MTARC2: variants seen among roughly 807,000 people sequenced by gnomAD.
MTARC2 encodes mitochondrial amidoxime reducing component 2.
A neutral mutation model predicts 35.6 loss-of-function variants in MTARC2; 27 were observed. That is an observed-to-expected ratio of 0.76 (90% CI 0.56 to 1.04). MTARC2 has a LOEUF of 1.04. Among genes scored for constraint, MTARC2 ranks in the 50% least tolerant of loss-of-function variants. MTARC2 has a pLI of 0.00. For missense variants in MTARC2, 412 were observed against 432.5 expected, an observed-to-expected ratio of 0.95 and a Z score of 0.42; for synonymous variants, 158 against 167.1, an observed-to-expected ratio of 0.95 and a Z score of 0.42.
At chr1:220,774,855 A>G in intron 4 of MTARC2, among the ~76,000 whole-genome samples, 1 of 152,308 alleles carries the variant, frequency 6.6e-6, no homozygotes, top group East Asian at 1.9e-4. Context: ...GAGATGGACT[A>G]TATAGGTAGA....
At chr1:220,767,530 C>T (rs1052339054) in intron 4 of MTARC2, among the ~76,000 whole-genome samples, 3 of 152,112 alleles carry the variant, frequency 2.0e-5, no homozygotes, top group African/African-American at 7.2e-5. Flanking sequence ...TGCTTGAGTT[C>T]CGGGAATGCA....
At chr1:220,759,603 A>G (rs1671385343) in intron 2 of MTARC2, among the ~76,000 whole-genome samples, 1 of 152,010 alleles carries the variant, frequency 6.6e-6, no homozygotes, top group South Asian at 2.1e-4. Flanking sequence ...TGTGAGTAAT[A>G]TGTGTGCACT....
At chr1:220,754,898 G>A in intron 1 of MTARC2, 49 bp from the exon 2 acceptor site, 1 of 1,506,426 alleles carries the variant, frequency 6.6e-7, no homozygotes, top group Non-Finnish European at 8.9e-7. Flanking sequence ...GAAGCTGTTG[G>A]GAGGTGGAAG....
chr1:220,772,680 C>A lies in MTARC2; in HGVS notation c.751-7338C>A, dbSNP rs568843054. ...CCCAGTGAGAAAGAGGCACTCTGGG[C>A]AGGGTGTGTGTGTGTGTGTTTGTGT... On this transcript the variant is annotated intron_variant, in intron 4 of 7. Transcript: ENST00000366913. Among the ~76,000 whole-genome samples, 4 of 148,566 alleles carry A rather than the reference C, an allele frequency of 2.7e-5. No homozygotes were observed. The South Asian group carries it at 6.5e-4, about 24-fold the overall frequency.
chr1:220,769,577 G>C (rs1377827234), intron 4 of MTARC2, among the ~76,000 whole-genome samples: 1 of 152,146 alleles, frequency 6.6e-6, no homozygotes, highest in African/African-American at 2.4e-5. Context: ...TAACTGGCAG[G>C]AGTTGCGGAT....
At chr1:220,782,608 A>C (rs72473906) in intron 7 of MTARC2, among the ~76,000 whole-genome samples, 2,484 of 152,304 alleles carry the variant, frequency 0.016, 51 homozygotes, top group African/African-American at 0.046. Context: ...CAGTTCTTTA[A>C]GTTACCTCAT....
intron 4 of MTARC2, chr1:220,770,410 G>T: frequency 1.0e-6 from 1 of 985,412 alleles, no homozygotes; most frequent in South Asian, 4.7e-5. Context: ...TTCAGAGACG[G>T]TGGTGCGCGG....
intron 2 of MTARC2, among the ~76,000 whole-genome samples, chr1:220,756,965 C>T (rs1258395922): frequency 5.9e-5 from 9 of 152,220 alleles, no homozygotes; most frequent in Non-Finnish European, 2.9e-5. Context: ...TGCAATGGCA[C>T]GATCTTGGCT....
In MTARC2 at chr1:220,762,901, C is replaced by T. The variant is rs1480854329; in HGVS notation, c.610-9C>T. 1 of 1,614,024 alleles carries T rather than the reference C, an allele frequency of 6.2e-7. No homozygotes were observed. The highest frequency in any genetic ancestry group is 1.7e-5 in the Admixed American group (1 of 60,018). On this transcript the variant is annotated splice_polypyrimidine_tract_variant and intron_variant, in intron 3 of 7. Transcript: ENST00000366913. ...TGGTGGGGCCTGACTATCCTGTGTT[C>T]TTGGCAAGGTGGCCTACCCAGACTA...
intron 3 of MTARC2, among the ~76,000 whole-genome samples, chr1:220,762,687 T>G (rs904384015): frequency 3.3e-5 from 5 of 152,210 alleles, no homozygotes; most frequent in African/African-American, 1.2e-4. Context: ...TGAGTGACAT[T>G]GGCCCAGAGC....
At position 220,761,807 on chromosome 1, in the gene MTARC2, A is replaced by G; in HGVS notation, c.596A>G (p.Asp199Gly). ...RTSRKLLPTL[D>G]QNFQVAYPDY... The stretch of plus-strand genomic sequence containing the variant: ...TCAAGAAAACTTCTCCCCACTCTTG[A>G]TCAGAATTTCCAGGTGAGCTTACAG... The change falls in exon 3 of 8, where the codon GAT becomes GGT. Residue 199 changes from aspartate (D) to glycine (G), a missense_variant. Transcript: ENST00000366913. 6.2e-7 allele frequency: 1 copy of G among 1,609,560 alleles called. No individual in the cohort carries two copies. The highest frequency in any genetic ancestry group is 1.1e-5 in the South Asian group (1 of 89,978).
chr1:220,771,602 A>G (rs1187468379), intron 4 of MTARC2, among the ~76,000 whole-genome samples: 1 of 152,216 alleles, frequency 6.6e-6, no homozygotes. Flanking sequence ...ATTAATTTCA[A>G]GAAGCTTTTC....
chr1:220,779,947 A>G (rs1279932734), intron 4 of MTARC2, 71 bp from the exon 5 acceptor site: 1 of 1,180,282 alleles, frequency 8.5e-7, no homozygotes, highest in Admixed American at 2.8e-5. Context: ...ACTTAATATG[A>G]GCCAAAGAAT....
chr1:220,751,949 T>A (rs1432919774), intron 1 of MTARC2, among the ~76,000 whole-genome samples: 3 of 152,214 alleles, frequency 2.0e-5, no homozygotes, highest in Admixed American at 2.0e-4. Flanking sequence ...TTGCCCAGGT[T>A]GACAGGGAAA....
chr1:220,777,332 C>A (rs1341303081), intron 4 of MTARC2, among the ~76,000 whole-genome samples: 2 of 152,178 alleles, frequency 1.3e-5, no homozygotes, highest in Non-Finnish European at 2.9e-5. Flanking sequence ...TTTGCTGAAG[C>A]ACCACTATAG....
chr1:220,782,077 T>G, intron 7 of MTARC2, 145 bp downstream of exon 7: 3 of 698,916 alleles, frequency 4.3e-6, no homozygotes, highest in Middle Eastern at 3.6e-4. Context: ...GAAAATGCCC[T>G]TAATTTCTGT....
intron 3 of MTARC2, 70 bp downstream of exon 3, chr1:220,761,890 A>G (rs1186375936): frequency 3.5e-6 from 5 of 1,439,502 alleles, no homozygotes; most frequent in South Asian, 1.4e-5. Context: ...TTCCCAGTTG[A>G]TAAAGAGCCT....
intron 1 of MTARC2, chr1:220,754,467 G>A (rs182019726): frequency 3.9e-5 from 18 of 455,956 alleles, no homozygotes; most frequent in African/African-American, 1.8e-4. Context: ...GCCTGGTTCC[G>A]CTTGGAGGCA....
chr1:220,782,064 T>G, intron 7 of MTARC2, 132 bp downstream of exon 7: 1 of 815,542 alleles, frequency 1.2e-6, no homozygotes, highest in African/African-American at 1.7e-5. Flanking sequence ...ATCTTTGGAG[T>G]TGGAAAATGC....
Sources: allele counts gnomAD v4.1 joint callset (sites outside exome capture counted in the v4.1 genomes callset), GRCh38; gene constraint gnomAD v4.1.1; transcripts MANE v1.5; gene names NCBI Gene and HGNC (gene_info 2026-07-23, HGNC 2026-07-21).